ATP8A1: variants seen among roughly 807,000 people sequenced by gnomAD.
The protein encoded by ATP8A1 is phospholipid-transporting ATPase IA.
ATP8A1 carries 90 observed loss-of-function variants against 177.7 expected under a neutral mutation model. The ratio of observed to expected loss-of-function variants is 0.51; its 90% CI spans 0.43 to 0.60. ATP8A1 has a LOEUF of 0.60. ATP8A1 is among the 20% of genes least tolerant of loss of function. The pLI is 0.00. For missense variants in ATP8A1, 1,072 were observed against 1,392.8 expected (o/e 0.77, Z 3.67); for synonymous variants, 493 against 485.9 (o/e 1.01, Z -0.19).
At chr4:42,583,315 C>A (rs186016060) in intron 9 of ATP8A1, among the ~76,000 whole-genome samples, 1 of 152,188 alleles carries the variant, frequency 6.6e-6, no homozygotes, top group Non-Finnish European at 1.5e-5. Flanking sequence ...AATAGCATGC[C>A]TTTAGGACCT....
chr4:42,514,292 G>A (rs1725300877), intron 22 of ATP8A1, among the ~76,000 whole-genome samples: 1 of 152,124 alleles, frequency 6.6e-6, no homozygotes, highest in Admixed American at 6.6e-5. Context: ...ATTGGGTGTA[G>A]CTTGCAAAAA....
Position 42,587,468 on chromosome 4 carries a change from C to T in ATP8A1, c.594+792G>A, listed in dbSNP as rs189451427. Among the ~76,000 whole-genome samples the T allele has an allele frequency of 3.6e-3, 544 of 151,586 alleles. 4 individuals carry two copies. The highest frequency in any genetic ancestry group is 6.0e-3 in the Non-Finnish European group (408 of 67,868). On this transcript the variant is annotated intron_variant, in intron 8 of 36. Coordinates refer to ENST00000381668, the MANE Select transcript of ATP8A1 (RefSeq NM_006095.2). The stretch of plus-strand genomic sequence containing the variant: ...GATTACAGGCACATGCCACCATGTC[C>T]GACTACTTGTTGTATTTTTAGTAGA...
At chr4:42,536,645 A>G (rs1727854078) in intron 20 of ATP8A1, among the ~76,000 whole-genome samples, 2 of 152,198 alleles carry the variant, frequency 1.3e-5, no homozygotes, top group South Asian at 4.1e-4. Context: ...GGATAAAACA[A>G]AAAAAACTAC....
chr4:42,488,389 C>T (rs1393702574), intron 24 of ATP8A1, among the ~76,000 whole-genome samples: 1 of 150,882 alleles, frequency 6.6e-6, no homozygotes, highest in Non-Finnish European at 1.5e-5. Flanking sequence ...TTTTTCTATG[C>T]AATCCAGCAA....
chr4:42,414,473 A>G (rs1275996077), intron 36 of ATP8A1, among the ~76,000 whole-genome samples, 154 bp downstream of exon 36: 1 of 152,242 alleles, frequency 6.6e-6, no homozygotes, highest in Non-Finnish European at 1.5e-5. Context: ...GGTTCTGACC[A>G]ATGGATTTTC....
At chr4:42,466,124 G>A (rs1366069939) in intron 25 of ATP8A1, among the ~76,000 whole-genome samples, 1 of 151,010 alleles carries the variant, frequency 6.6e-6, no homozygotes, top group Non-Finnish European at 1.5e-5. Flanking sequence ...TGTCTACACT[G>A]TATTGGAAAC....
At chr4:42,464,620 G>T in intron 27 of ATP8A1, 70 bp downstream of exon 27, 1 of 855,480 alleles carries the variant, frequency 1.2e-6, no homozygotes, top group Non-Finnish European at 1.8e-6. Flanking sequence ...ATGAGAAAAC[G>T]TCTCCATAAA....
At chr4:42,627,753 C>T (rs1560536123) in intron 1 of ATP8A1, among the ~76,000 whole-genome samples, 3 of 152,258 alleles carry the variant, frequency 2.0e-5, no homozygotes, top group East Asian at 1.9e-4. Context: ...AAAATACATA[C>T]AAGTTCTAGA....
intron 5 of ATP8A1, among the ~76,000 whole-genome samples, chr4:42,604,692 C>T (rs1053902067): frequency 3.3e-5 from 5 of 152,110 alleles, no homozygotes; most frequent in African/African-American, 7.2e-5. Flanking sequence ...CCCAAGCAAA[C>T]GGAAAACATA....
At chr4:42,556,462 T>A (rs912046580) in intron 15 of ATP8A1, among the ~76,000 whole-genome samples, 17 of 152,162 alleles carry the variant, frequency 1.1e-4, no homozygotes, top group Non-Finnish European at 2.4e-4. Context: ...TGAGAAATCT[T>A]TATATGTAGT....
chr4:42,512,176 T>G (rs1381969704), intron 22 of ATP8A1, among the ~76,000 whole-genome samples: 1 of 152,220 alleles, frequency 6.6e-6, no homozygotes, highest in South Asian at 2.1e-4. Context: ...AGCTAAGCTA[T>G]GACCGTAAGG....
At chr4:42,502,039 G>A (rs1241991336) in intron 24 of ATP8A1, among the ~76,000 whole-genome samples, 1 of 150,394 alleles carries the variant, frequency 6.6e-6, no homozygotes, top group African/African-American at 2.5e-5. Flanking sequence ...ATTTAAAACT[G>A]ATATACTTTT....
At chr4:42,617,204 T>C (rs1425820053) in intron 4 of ATP8A1, among the ~76,000 whole-genome samples, 2 of 152,134 alleles carry the variant, frequency 1.3e-5, no homozygotes, top group African/African-American at 4.8e-5. Flanking sequence ...CCAAGAGGAA[T>C]AGATAAGAGC....
intron 20 of ATP8A1, among the ~76,000 whole-genome samples, chr4:42,535,199 A>C (rs558439050): frequency 6.6e-6 from 1 of 152,302 alleles, no homozygotes; most frequent in African/African-American, 2.4e-5. Context: ...TTCACCAACC[A>C]AGTATCTGCT....
At chr4:42,443,013 G>C (rs1716800118) in intron 33 of ATP8A1, among the ~76,000 whole-genome samples, 1 of 152,168 alleles carries the variant, frequency 6.6e-6, no homozygotes, top group Non-Finnish European at 1.5e-5. Context: ...TCCTACCCGT[G>C]TAACAAGAAA....
chr4:42,528,533 A>T (rs1001015580), intron 20 of ATP8A1, among the ~76,000 whole-genome samples: 1 of 151,898 alleles, frequency 6.6e-6, no homozygotes, highest in Non-Finnish European at 1.5e-5. Flanking sequence ...CTGCTGTACC[A>T]GATGTGGTTT....
chr4:42,551,944 C>A (rs934034602), intron 17 of ATP8A1, among the ~76,000 whole-genome samples: 15 of 152,134 alleles, frequency 9.9e-5, no homozygotes, highest in Non-Finnish European at 4.4e-5. Context: ...ATCTGCCCAA[C>A]TTTACATTGA....
intron 20 of ATP8A1, among the ~76,000 whole-genome samples, chr4:42,534,028 C>CT (rs1250600559): frequency 1.3e-5 from 2 of 152,136 alleles, no homozygotes; most frequent in African/African-American, 4.8e-5. Context: ...AACAGTTGCC[C>CT]TTGAGCCCCA....
At chr4:42,483,857 G>A (rs1721940680) in intron 25 of ATP8A1, among the ~76,000 whole-genome samples, 1 of 152,180 alleles carries the variant, frequency 6.6e-6, no homozygotes, top group South Asian at 2.1e-4. Context: ...ATACATGAAG[G>A]AGAGCAGGTA....
Sources: allele counts gnomAD v4.1 joint callset (sites outside exome capture counted in the v4.1 genomes callset), GRCh38; gene constraint gnomAD v4.1.1; transcripts MANE v1.5; gene names NCBI Gene and HGNC (gene_info 2026-07-23, HGNC 2026-07-21).